Variants in LIMCH1 observed in about 807,000 individuals in gnomAD.
LIMCH1 encodes the protein LIM and calponin homology domains-containing protein 1.
Under a neutral mutation model 176.5 loss-of-function variants are expected in LIMCH1, and 113 were observed. That is an observed-to-expected ratio of 0.64 (90% CI 0.55 to 0.75). LIMCH1 has a LOEUF of 0.75. Ranked by LOEUF, LIMCH1 falls within the 30% of genes least tolerant of loss-of-function variation. The pLI, the probability that LIMCH1 is intolerant of heterozygous loss-of-function variation, is 0.00. For missense variants in LIMCH1, 1,674 were observed against 1,814.9 expected (o/e 0.92, Z 1.41); for synonymous variants, 619 against 645.9 (o/e 0.96, Z 0.63).
At chr4:41,495,540 T>C (rs2154176122) in intron 2 of LIMCH1, among the ~76,000 whole-genome samples, 1 of 152,296 alleles carries the variant, frequency 6.6e-6, no homozygotes, top group East Asian at 1.9e-4. Flanking sequence ...TAAACTCCTG[T>C]TTTTGGCAAC....
intron 1 of LIMCH1, among the ~76,000 whole-genome samples, chr4:41,374,663 CG>C (rs2054469965): frequency 6.6e-6 from 1 of 151,802 alleles, no homozygotes; most frequent in African/African-American, 2.4e-5. Flanking sequence ...TGCTCATTGA[CG>C]TTCTGGAGGT....
At chr4:41,470,958 T>C (rs1401435766) in intron 1 of LIMCH1, among the ~76,000 whole-genome samples, 1 of 151,848 alleles carries the variant, frequency 6.6e-6, no homozygotes, top group Non-Finnish European at 1.5e-5. Context: ...GGGAAGTTAC[T>C]GGTAGCTCCC....
intron 2 of LIMCH1, among the ~76,000 whole-genome samples, chr4:41,498,957 G>A (rs1021802530): frequency 6.6e-6 from 1 of 151,398 alleles, no homozygotes; most frequent in Non-Finnish European, 1.5e-5. Context: ...AATTAAACAA[G>A]AGTCTATATG....
intron 1 of LIMCH1, among the ~76,000 whole-genome samples, chr4:41,466,258 G>C (rs1194358166): frequency 6.6e-6 from 1 of 152,160 alleles, no homozygotes; most frequent in Admixed American, 6.5e-5. Flanking sequence ...CGCCCATCCA[G>C]TCTGGCTCTT....
chr4:41,438,282 T>C (rs546311704), intron 1 of LIMCH1, among the ~76,000 whole-genome samples: 1 of 152,320 alleles, frequency 6.6e-6, no homozygotes, highest in African/African-American at 2.4e-5. Flanking sequence ...AGGAACTTGT[T>C]CAGGCCACAT....
intron 1 of LIMCH1, among the ~76,000 whole-genome samples, chr4:41,472,834 A>C (rs533205039): frequency 6.6e-6 from 1 of 152,328 alleles, no homozygotes; most frequent in South Asian, 2.1e-4. Context: ...AGAAGTTCAA[A>C]GTTAAAAAAC....
chr4:41,375,444 T>C (rs1479762063), intron 1 of LIMCH1, among the ~76,000 whole-genome samples: 1 of 152,230 alleles, frequency 6.6e-6, no homozygotes, highest in Non-Finnish European at 1.5e-5. Flanking sequence ...TCCTGGGTAC[T>C]TCAACTCTCC....
intron 1 of LIMCH1, among the ~76,000 whole-genome samples, chr4:41,442,969 T>A (rs866135006): frequency 6.6e-6 from 1 of 152,212 alleles, no homozygotes. Flanking sequence ...GTTTAGCAAT[T>A]CAGGAAGTGA....
intron 2 of LIMCH1, chr4:41,494,728 A>T: frequency 1.5e-6 from 1 of 661,048 alleles, no homozygotes; most frequent in South Asian, 2.1e-5. Context: ...TGAAACTCAA[A>T]AAATCCCTGG....
At chr4:41,446,165 C>T (rs141472570) in intron 1 of LIMCH1, among the ~76,000 whole-genome samples, 36 of 152,066 alleles carry the variant, frequency 2.4e-4, no homozygotes, top group African/African-American at 8.0e-4. Flanking sequence ...ATTGGAACAT[C>T]GTGGGGAGAA....
At chr4:41,647,677 A>G (rs954024675) in intron 17 of LIMCH1, among the ~76,000 whole-genome samples, 9 of 152,266 alleles carry the variant, frequency 5.9e-5, no homozygotes, top group Non-Finnish European at 1.5e-5. Context: ...GGTGGAATGC[A>G]TCACTTGGAG....
chr4:41,638,113 TG>T (rs199865461), intron 13 of LIMCH1, among the ~76,000 whole-genome samples: 7 of 86,952 alleles, frequency 8.1e-5, no homozygotes, highest in South Asian at 4.1e-4. Context: ...TTGTTGTTGT[TG>T]TTGTTGTTGT....
intron 2 of LIMCH1, among the ~76,000 whole-genome samples, chr4:41,501,345 A>T (rs916267300): frequency 6.6e-6 from 1 of 152,258 alleles, no homozygotes; most frequent in African/African-American, 2.4e-5. Flanking sequence ...TAAGTGTTTT[A>T]GAATCTCATG....
intron 1 of LIMCH1, among the ~76,000 whole-genome samples, chr4:41,470,897 GAA>G (rs1180891172): frequency 1.3e-5 from 2 of 151,940 alleles, no homozygotes; most frequent in African/African-American, 4.8e-5. Context: ...TACTTGAAAA[GAA>G]AGAGAGGCGA....
intron 13 of LIMCH1, 121 bp from the exon 14 acceptor site, chr4:41,638,811 C>A: frequency 1.3e-6 from 1 of 789,884 alleles, no homozygotes; most frequent in Non-Finnish European, 2.2e-6. Flanking sequence ...ATTTCTCTTT[C>A]AGTATCTCAG....
intron 1 of LIMCH1, among the ~76,000 whole-genome samples, chr4:41,598,070 C>G (rs569732537): frequency 1.3e-5 from 2 of 152,314 alleles, no homozygotes; most frequent in East Asian, 3.9e-4. Context: ...TTTTCACTAA[C>G]TGATGGGGTC....
chr4:41,661,178 A>C (rs1239792231), intron 18 of LIMCH1, among the ~76,000 whole-genome samples: 1 of 152,182 alleles, frequency 6.6e-6, no homozygotes, highest in East Asian at 1.9e-4. Context: ...AAAATGTGGG[A>C]TGTGCGTCCA....
At chr4:41,494,158 G>A (rs576923045) in intron 1 of LIMCH1, among the ~76,000 whole-genome samples, 2 of 151,964 alleles carry the variant, frequency 1.3e-5, no homozygotes. Flanking sequence ...AGAAAAAAAG[G>A]CTTCAAAGAA....
chr4:41,589,194 C>A (rs1049960973), intron 1 of LIMCH1, among the ~76,000 whole-genome samples: 1 of 152,120 alleles, frequency 6.6e-6, no homozygotes, highest in Non-Finnish European at 1.5e-5. Flanking sequence ...GAATGAGAAT[C>A]CTGGAAGAAG....
Sources: gnomAD v4.1 joint callset for allele counts (sites outside exome capture counted in the v4.1 genomes callset) on GRCh38, gnomAD v4.1.1 for gene constraint, MANE v1.5 for transcripts, NCBI Gene and HGNC (gene_info 2026-07-23, HGNC 2026-07-21) for gene names.